The following CPXM2 variants were observed in gnomAD, a reference collection of about 807,000 sequenced individuals.
The protein encoded by CPXM2 is inactive carboxypeptidase-like protein X2.
A neutral mutation model predicts 86.1 loss-of-function variants in CPXM2; 66 were observed. The ratio of observed to expected loss-of-function variants is 0.77; its 90% CI spans 0.63 to 0.94. The LOEUF is 0.94. Ranked by LOEUF, CPXM2 falls within the 40% of genes least tolerant of loss-of-function variation. The probability of loss-of-function intolerance (pLI) is 0.00; values close to 1 mark genes in which losing one functional copy is unlikely to be tolerated. For synonymous variants in CPXM2, 388 were observed against 400.2 expected (o/e 0.97, Z 0.36); for missense variants, 948 against 1,026.3 (o/e 0.92, Z 1.04).
chr10:123,824,066 C>T (rs1181114804), intron 4 of CPXM2, among the ~76,000 whole-genome samples: 1 of 152,170 alleles, frequency 6.6e-6, no homozygotes, highest in African/African-American at 2.4e-5. Context: ...GGATTGTGGC[C>T]AATTTATACC....
chr10:123,864,652 C>T (rs538617985), intron 2 of CPXM2, among the ~76,000 whole-genome samples: 5 of 152,286 alleles, frequency 3.3e-5, no homozygotes, highest in African/African-American at 1.2e-4. Context: ...ATCATTTATA[C>T]ACTCTAAGTG....
At position 123,754,693 on chromosome 10, in the gene CPXM2, C is replaced by G; in HGVS notation, c.1987G>C (p.Val663Leu). Residue 663 changes from valine to leucine, a missense_variant, in exon 13 of 14, where the codon GTA becomes CTA. Physicochemically the swap from Val to Leu is conservative, Grantham distance 32. Transcript: ENST00000241305. This position sits in a 1 kb window ranked among gnomAD's most constrained non-coding sequence, Gnocchi z 4.0. ...CGGATGTCATGGTTAATGCCTTCTA[C>G]GGAGATAATGGCGTTTGGGATTCCT... Reference protein sequence around the residue: ...GKGIPNAIISVEGINHDIRTA... With the variant: ...GKGIPNAIISLEGINHDIRTA... The G allele has an allele frequency of 3.1e-6, 5 of 1,606,446 alleles. No individual in the cohort carries two copies. The highest frequency in any genetic ancestry group is 4.3e-6 in the Non-Finnish European group (5 of 1,172,972).
chr10:123,756,822 A>G (rs979960101), intron 12 of CPXM2, among the ~76,000 whole-genome samples: 2 of 152,180 alleles, frequency 1.3e-5, no homozygotes, highest in African/African-American at 2.4e-5. Context: ...GACCCTGTGG[A>G]TGGCTTGGTT....
chr10:123,783,879 C>T (rs372826932), intron 6 of CPXM2, among the ~76,000 whole-genome samples: 2 of 152,258 alleles, frequency 1.3e-5, no homozygotes, highest in East Asian at 3.9e-4. Flanking sequence ...TAGCTGATTC[C>T]TCTGCAACAC....
At chr10:123,771,298 C>T (rs752732459) in intron 7 of CPXM2, among the ~76,000 whole-genome samples, 2 of 152,160 alleles carry the variant, frequency 1.3e-5, no homozygotes, top group Admixed American at 6.5e-5. Context: ...TGCCCCCACC[C>T]GGTCCTGTAC....
chr10:123,828,957 T>G (rs1186352835), intron 4 of CPXM2, among the ~76,000 whole-genome samples: 1 of 152,106 alleles, frequency 6.6e-6, no homozygotes, highest in Non-Finnish European at 1.5e-5. Flanking sequence ...GGAGAAAATA[T>G]TTACAAACCA....
chr10:123,814,394 T>G (rs1336241846), intron 4 of CPXM2, among the ~76,000 whole-genome samples: 1 of 152,140 alleles, frequency 6.6e-6, no homozygotes, highest in African/African-American at 2.4e-5. Flanking sequence ...AGACTCCAAG[T>G]TCTTCAGTTT....
upstream of CPXM2, among the ~76,000 whole-genome samples, chr10:123,941,460 G>T (rs1225266091): frequency 1.3e-5 from 2 of 152,144 alleles, no homozygotes; most frequent in African/African-American, 4.8e-5. Context: ...CATCATATTG[G>T]ATTAAAAGCC....
chr10:123,828,675 T>C (rs1564787963), intron 4 of CPXM2, among the ~76,000 whole-genome samples: 2 of 152,170 alleles, frequency 1.3e-5, no homozygotes, highest in South Asian at 4.1e-4. Flanking sequence ...AACAAACTAA[T>C]ACACAAACCT....
intron 1 of CPXM2, among the ~76,000 whole-genome samples, chr10:123,890,184 G>C (rs1244003554): frequency 6.6e-6 from 1 of 152,150 alleles, no homozygotes; most frequent in Non-Finnish European, 1.5e-5. Context: ...CTGTTATTAA[G>C]CCACTGTAGC....
chr10:123,933,012 A>G (rs1945680778), intron 2 of CPXM2, among the ~76,000 whole-genome samples: 1 of 152,368 alleles, frequency 6.6e-6, no homozygotes, highest in South Asian at 2.1e-4. Context: ...TAGCAGAGAC[A>G]GGAAGATCTC....
intron 2 of CPXM2, among the ~76,000 whole-genome samples, chr10:123,910,823 C>A (rs1945481695): frequency 6.7e-6 from 1 of 150,322 alleles, no homozygotes; most frequent in African/African-American, 2.4e-5. Context: ...CAGAGCCACA[C>A]TCCCTCCACC....
At chr10:123,748,816 T>C (rs1417596213) in intron 13 of CPXM2, among the ~76,000 whole-genome samples, 1 of 152,004 alleles carries the variant, frequency 6.6e-6, no homozygotes, top group South Asian at 2.1e-4. Flanking sequence ...GTCCCCACAG[T>C]CCCTGACAAG....
intron 4 of CPXM2, among the ~76,000 whole-genome samples, chr10:123,832,974 C>G (rs1848197640): frequency 6.6e-6 from 1 of 152,162 alleles, no homozygotes; most frequent in East Asian, 1.9e-4. Flanking sequence ...AGTTCATCCC[C>G]TCTGGAGGAT....
chr10:123,759,995 T>A (rs1290147329), intron 11 of CPXM2, among the ~76,000 whole-genome samples: 1 of 152,068 alleles, frequency 6.6e-6, no homozygotes, highest in Admixed American at 6.5e-5. Flanking sequence ...GGAAAGGAAA[T>A]TACAAGTCAC....
At chr10:123,813,670 A>T (rs1847743654) in intron 4 of CPXM2, among the ~76,000 whole-genome samples, 1 of 152,252 alleles carries the variant, frequency 6.6e-6, no homozygotes, top group African/African-American at 2.4e-5. Flanking sequence ...TTGAAAGCAT[A>T]AACTAAACAT....
intron 12 of CPXM2, among the ~76,000 whole-genome samples, chr10:123,755,354 A>G (rs1041456604): frequency 2.0e-5 from 3 of 152,192 alleles, no homozygotes; most frequent in African/African-American, 4.8e-5. Context: ...AGGAGGAAAG[A>G]AGAGAAAAAA....
chr10:123,936,210 T>C (rs180848755), intron 2 of CPXM2, among the ~76,000 whole-genome samples: 7 of 147,082 alleles, frequency 4.8e-5, no homozygotes, highest in Admixed American at 1.4e-4. Context: ...ATCATCCCCA[T>C]TTTACAGATT....
chr10:123,848,348 A>C (rs1053607684), intron 3 of CPXM2, among the ~76,000 whole-genome samples: 1 of 152,186 alleles, frequency 6.6e-6, no homozygotes, highest in Non-Finnish European at 1.5e-5. Context: ...TTCCAACCTT[A>C]ATCATCGGTA....
Sources: gnomAD v4.1 joint callset for allele counts (sites outside exome capture counted in the v4.1 genomes callset) on GRCh38, gnomAD v4.1.1 for gene constraint, Gnocchi (gnomAD v3.1) non-coding constraint, MANE v1.5 for transcripts, NCBI Gene and HGNC (gene_info 2026-07-23, HGNC 2026-07-21) for gene names.